Variants in SERPINH1 observed in about 807,000 individuals in gnomAD.
The protein encoded by SERPINH1 is serpin H1.
SERPINH1 carries 22 observed loss-of-function variants against 32.3 expected under a neutral mutation model. That is an observed-to-expected ratio of 0.68 (90% CI 0.49 to 0.97). The LOEUF is 0.97. SERPINH1 is among the 50% of genes least tolerant of loss of function. The pLI is 0.00. For missense variants in SERPINH1, 543 were observed against 576.4 expected (o/e 0.94, Z 0.59); for synonymous variants, 251 against 245.9 (o/e 1.02, Z -0.19).
At chr11:75,569,670 G>A (rs1031631648) in intron 4 of SERPINH1, among the ~76,000 whole-genome samples, 4 of 152,148 alleles carry the variant, frequency 2.6e-5, no homozygotes, top group African/African-American at 9.7e-5. Context: ...TGATCCTCCT[G>A]CCTCAGCCTC....
chr11:75,566,890 AC>A lies in SERPINH1; in HGVS notation c.543del (p.Asp182ThrfsTer19). 2 of 1,609,266 alleles carry A rather than the reference AC, an allele frequency of 1.2e-6. No individual in the cohort carries two copies. Among genetic ancestry groups the A allele is most frequent in the Non-Finnish European group, 1.7e-6 (2 of 1,179,940 alleles). On this transcript the variant is annotated frameshift_variant, in exon 2 of 5. Coordinates refer to ENST00000358171, the MANE Select transcript of SERPINH1 (RefSeq NM_001235.5). LOFTEE classifies it high-confidence loss of function. The part of the protein sequence containing the change: ...QSINEWAAQT[T>X]DGKLPEVTKD... Reference sequence around the variant, plus strand: ...CATCAACGAGTGGGCCGCGCAGACCACCGACGGCAAGCTGCCCGAGGTCACC... The same window carrying A: ...CATCAACGAGTGGGCCGCGCAGACCACGACGGCAAGCTGCCCGAGGTCACC...
intron 1 of SERPINH1, among the ~76,000 whole-genome samples, chr11:75,564,812 G>A (rs898795444): frequency 6.6e-6 from 1 of 152,154 alleles, no homozygotes; most frequent in African/African-American, 2.4e-5. Context: ...TCAAGGCTCC[G>A]AGGAGGGAGG....
chr11:75,568,946 C>T lies in SERPINH1; in HGVS notation c.729C>T (p.Tyr243=), dbSNP rs200202046. ...GVMMMHRTGL[Y]NYYDDEKEKL... is the part of the protein sequence containing the mutation. ...TTTCCGCTCCTCTCCCAGGCCTCTA[C>T]AACTACTACGACGACGAGAAGGAAA... is the stretch of plus-strand genomic sequence containing the variant. Residue 243 remains tyrosine (Y), a synonymous_variant, in exon 4 of 5, where the codon TAC becomes TAT. Transcript: ENST00000358171. The T allele has an allele frequency of 2.5e-6, 4 of 1,613,976 alleles. No individual in the cohort carries two copies. Among genetic ancestry groups the T allele is most frequent in the Admixed American group, 1.7e-5 (1 of 60,016 alleles).
chr11:75,566,256 T>A (rs770004577), intron 1 of SERPINH1, 60 bp from the exon 2 acceptor site: 5 of 1,432,896 alleles, frequency 3.5e-6, no homozygotes, highest in Non-Finnish European at 4.8e-6. Context: ...GAGCTGAGGG[T>A]GGTTGTTGGG....
At chr11:75,570,463 C>T (rs1592204533) in intron 4 of SERPINH1, among the ~76,000 whole-genome samples, 1 of 152,262 alleles carries the variant, frequency 6.6e-6, no homozygotes, top group African/African-American at 2.4e-5. Flanking sequence ...TCCCCTTGTT[C>T]CTCTGGTGTC....
intron 4 of SERPINH1, among the ~76,000 whole-genome samples, chr11:75,569,632 A>G (rs528258418): frequency 6.6e-6 from 1 of 152,234 alleles, no homozygotes; most frequent in South Asian, 2.1e-4. Context: ...CATGTTGGCC[A>G]GGCTGGTCTC....
chr11:75,563,000 GA>G, intron 1 of SERPINH1: 1 of 152,304 alleles, frequency 6.6e-6, no homozygotes, highest in Non-Finnish European at 1.5e-5. Context: ...CTACCACTCC[GA>G]AAAAAGAGAG....
chr11:75,571,966 G>A lies in SERPINH1; in HGVS notation c.1140G>A (p.Lys380=). ...GGCGCGAGGAGCTGCGCAGCCCCAAGCTGTTCTACGCCGACCACCCCTTCA... is the reference window on the plus strand; with the variant it reads ...GGCGCGAGGAGCTGCGCAGCCCCAAACTGTTCTACGCCGACCACCCCTTCA... ...IYGREELRSP[K]LFYADHPFIF... is the part of the protein sequence containing the mutation. Residue 380 remains lysine (K), a synonymous_variant, in exon 5 of 5, where the codon AAG becomes AAA. Coordinates refer to ENST00000358171, the MANE Select transcript of SERPINH1 (RefSeq NM_001235.5). The A allele has an allele frequency of 6.2e-7, 1 of 1,614,202 alleles. No individual in the cohort carries two copies. Among genetic ancestry groups the A allele is most frequent in the Non-Finnish European group, 8.5e-7 (1 of 1,180,026 alleles).
intron 1 of SERPINH1, among the ~76,000 whole-genome samples, chr11:75,565,990 C>G (rs560970412): frequency 1.3e-5 from 2 of 152,364 alleles, no homozygotes; most frequent in South Asian, 4.1e-4. Context: ...ACCAGATTGG[C>G]TAGCTTTTCT....
chr11:75,568,657 G>T, intron 2 of SERPINH1, 74 bp from the exon 3 acceptor site: 1 of 952,176 alleles, frequency 1.1e-6, no homozygotes. Flanking sequence ...TCTGCAGCCG[G>T]GGGTGGCTGT....
Position 75,571,975 on chromosome 11 carries a change from C to T in SERPINH1, c.1149C>T (p.Tyr383=), listed in dbSNP as rs201843800. 4.0e-5 allele frequency: 64 copies of T among 1,614,188 alleles called. No individual in the cohort carries two copies. Among genetic ancestry groups the T allele is most frequent in the Admixed American group, 2.5e-4 (15 of 60,028 alleles). Residue 383 remains tyrosine (Y), a synonymous_variant, in exon 5 of 5, where the codon TAC becomes TAT. Transcript: ENST00000358171. The stretch of plus-strand genomic sequence containing the variant: ...AGCTGCGCAGCCCCAAGCTGTTCTA[C>T]GCCGACCACCCCTTCATCTTCCTAG... ...REELRSPKLF[Y]ADHPFIFLVR...
In SERPINH1 at chr11:75,571,991, A is replaced by G. The variant is rs775032765; in HGVS notation, c.1165A>G (p.Ile389Val). The change falls in exon 5 of 5, where the codon ATC becomes GTC. Residue 389 changes from isoleucine to valine, a missense_variant. By Grantham distance (29) the Ile-to-Val change is conservative. Coordinates refer to ENST00000358171, the MANE Select transcript of SERPINH1 (RefSeq NM_001235.5). ...GCTGTTCTACGCCGACCACCCCTTCATCTTCCTAGTGCGGGACACCCAAAG... is the reference window on the plus strand; with the variant it reads ...GCTGTTCTACGCCGACCACCCCTTCGTCTTCCTAGTGCGGGACACCCAAAG... Reference protein sequence around the residue: ...PKLFYADHPFIFLVRDTQSGS... With the variant: ...PKLFYADHPFVFLVRDTQSGS... The G allele has an allele frequency of 6.2e-7, 1 of 1,614,160 alleles. No individual in the cohort carries two copies. Among genetic ancestry groups the G allele is most frequent in the Non-Finnish European group, 8.5e-7 (1 of 1,180,026 alleles).
intron 1 of SERPINH1, among the ~76,000 whole-genome samples, chr11:75,564,267 C>A (rs530034981): frequency 1.3e-5 from 2 of 152,208 alleles, no homozygotes; most frequent in African/African-American, 4.8e-5. Flanking sequence ...GCGGGCCTAG[C>A]GGGCTGCCTG....
At position 75,568,595 on chromosome 11, in the gene SERPINH1, T is replaced by C. The variant is rs1942134791; in HGVS notation, c.623-136T>C. 54 of 707,156 alleles carry C rather than the reference T, an allele frequency of 7.6e-5. No homozygotes were observed. In the South Asian group the frequency reaches 7.9e-4, roughly 10 times the overall value. 43.8% of individuals were successfully genotyped at this position (707,156 alleles called of 1,614,324 possible). Reference sequence around the variant, plus strand: ...TAGACTCTGTGGGCTGGGTGCTCTATAGCTGGGCCCTGAAGAATGGAGCAA... The same window carrying C: ...TAGACTCTGTGGGCTGGGTGCTCTACAGCTGGGCCCTGAAGAATGGAGCAA... On this transcript the variant is annotated intron_variant, in intron 2 of 4. Transcript: ENST00000358171.
rs764873239 is a variant in SERPINH1, at chr11:75,566,758, C to G, written c.409C>G (p.Pro137Ala). The G allele has an allele frequency of 8.1e-6, 13 of 1,613,122 alleles. No homozygotes were observed. In the African/African-American group the frequency reaches 1.7e-4, roughly 22 times the overall value. The change falls in exon 2 of 5, where the codon CCC becomes GCC. Residue 137 changes from proline (P) to alanine (A), a missense_variant. Physicochemically the swap from Pro to Ala is conservative, Grantham distance 27 (BLOSUM62 -1). This residue lies in a region of SERPINH1 where 427 missense variants were observed against 446.4 expected (regional missense o/e 0.96). Transcript: ENST00000358171. ...GAAGCTGGGCAGCCGACTGTACGGA[C>G]CCAGCTCAGTGAGCTTCGCTGATGA... ...TWKLGSRLYG[P>A]SSVSFADDFV...
At chr11:75,570,929 C>T (rs532153835) in intron 4 of SERPINH1, among the ~76,000 whole-genome samples, 2 of 152,180 alleles carry the variant, frequency 1.3e-5, no homozygotes, top group African/African-American at 4.8e-5. Context: ...GATGGCCATC[C>T]AGGATATAAG....
At chr11:75,566,248 G>A in intron 1 of SERPINH1, 68 bp from the exon 2 acceptor site, 1 of 1,397,774 alleles carries the variant, frequency 7.2e-7, no homozygotes, top group Non-Finnish European at 9.9e-7. Flanking sequence ...CAGCCAGAGA[G>A]CTGAGGGTGG....
In SERPINH1 at chr11:75,566,754, C is replaced by T. The variant is rs1036013353; in HGVS notation, c.405C>T (p.Tyr135=). The T allele has an allele frequency of 6.2e-7, 1 of 1,613,178 alleles. No homozygotes were observed. Among genetic ancestry groups the T allele is most frequent in the Non-Finnish European group, 8.5e-7 (1 of 1,179,928 alleles). ...CCTGGAAGCTGGGCAGCCGACTGTA[C>T]GGACCCAGCTCAGTGAGCTTCGCTG... ...NVTWKLGSRL[Y]GPSSVSFADD... is the part of the protein sequence containing the mutation. Residue 135 remains tyrosine (Y), a synonymous_variant, in exon 2 of 5, where the codon TAC becomes TAT. Coordinates refer to ENST00000358171, the MANE Select transcript of SERPINH1 (RefSeq NM_001235.5).
intron 2 of SERPINH1, chr11:75,567,925 AG>A (rs1048191246): frequency 1.3e-5 from 2 of 152,724 alleles, no homozygotes; most frequent in African/African-American, 4.8e-5. Context: ...TCTGGCTGTG[AG>A]CAAGGGCAGG....
Sources: allele counts gnomAD v4.1 joint callset (sites outside exome capture counted in the v4.1 genomes callset), GRCh38; gene constraint gnomAD v4.1.1; regional missense constraint gnomAD v4.1.1; transcripts MANE v1.5; gene names NCBI Gene and HGNC (gene_info 2026-07-23, HGNC 2026-07-21).